RETREG1: variants seen among roughly 807,000 people sequenced by gnomAD.
RETREG1 encodes family with sequence similarity 134 member B.
A neutral mutation model predicts 54.8 loss-of-function variants in RETREG1; 44 were observed. The observed-to-expected ratio is 0.80, with a 90% CI of 0.63 to 1.03. The LOEUF (loss-of-function observed/expected upper bound fraction) is 1.03. Ranked by LOEUF, RETREG1 falls within the 50% of genes least tolerant of loss-of-function variation. RETREG1 has a pLI of 0.00. For synonymous variants in RETREG1, 217 were observed against 238.5 expected (o/e 0.91, Z 0.83); for missense variants, 554 against 605.1 (o/e 0.92, Z 0.89).
Position 16,517,796 on chromosome 5 carries a change from T to A in RETREG1, c.459-34324A>T, listed in dbSNP as rs10064821. Among the ~76,000 whole-genome samples the A allele has an allele frequency of 4.7e-3, 710 of 152,282 alleles. 7 individuals are homozygous for A. Among genetic ancestry groups the A allele is most frequent in the African/African-American group, 0.016 (677 of 41,544 alleles). ...TGTACATATATTACTTGTAAACATA[T>A]TATGGACTTCACAAATCACACACAC... is the stretch of plus-strand genomic sequence containing the variant. On this transcript the variant is annotated intron_variant, in intron 3 of 8. Coordinates refer to ENST00000306320, the MANE Select transcript of RETREG1 (RefSeq NM_001034850.3).
At chr5:16,514,402 G>A (rs62369679) in intron 3 of RETREG1, among the ~76,000 whole-genome samples, 20,397 of 152,184 alleles carry the variant, frequency 0.13, 1,689 homozygotes, top group African/African-American at 0.22. Context: ...ACCTGCGTGA[G>A]GTTGGTACAG....
chr5:16,573,068 A>G (rs1742223527), intron 1 of RETREG1, among the ~76,000 whole-genome samples: 1 of 150,370 alleles, frequency 6.7e-6, no homozygotes, highest in Admixed American at 6.7e-5. Flanking sequence ...CTGCAGTCCC[A>G]GCTACTCCGA....
At chr5:16,608,779 C>G (rs1743264143) in intron 1 of RETREG1, among the ~76,000 whole-genome samples, 1 of 152,174 alleles carries the variant, frequency 6.6e-6, no homozygotes. Context: ...GAACTTGGAC[C>G]AGGCTGGCTG....
At chr5:16,542,798 TCA>T (rs1199600218) in intron 3 of RETREG1, among the ~76,000 whole-genome samples, 17 of 152,366 alleles carry the variant, frequency 1.1e-4, no homozygotes, top group African/African-American at 3.8e-4. Flanking sequence ...TACGGTGCTT[TCA>T]TTCATGTATT....
intron 3 of RETREG1, among the ~76,000 whole-genome samples, chr5:16,530,856 C>T (rs981480562): frequency 6.0e-5 from 9 of 150,692 alleles, no homozygotes; most frequent in Non-Finnish European, 7.4e-5. Context: ...AGCAAGACTC[C>T]GTCTCAAAAA....
At chr5:16,529,631 C>T (rs766208190) in intron 3 of RETREG1, among the ~76,000 whole-genome samples, 25 of 152,086 alleles carry the variant, frequency 1.6e-4, no homozygotes, top group Non-Finnish European at 1.6e-4. Context: ...ACTGTCCCAC[C>T]GAAGACACAC....
rs547187261 is a variant in RETREG1, at chr5:16,504,193, C to G, written c.459-20721G>C. ...TCCTGCATTAGTTCGCCGAGGATAA[C>G]GGCTTCCAGCTCCATCCATGTCCCT... On this transcript the variant is annotated intron_variant, in intron 3 of 8. Coordinates refer to ENST00000306320, the MANE Select transcript of RETREG1 (RefSeq NM_001034850.3). Among the ~76,000 whole-genome samples the G allele has an allele frequency of 2.0e-5, 3 of 152,302 alleles. No individual in the cohort carries two copies. The East Asian group carries it at 5.8e-4, about 29-fold the overall frequency.
rs190323044 is a variant in RETREG1, at chr5:16,501,389, G to A, written c.459-17917C>T. Among the ~76,000 whole-genome samples, 53 of 152,246 alleles carry A rather than the reference G, an allele frequency of 3.5e-4. No homozygotes were observed. In the East Asian group the frequency reaches 6.8e-3, roughly 19 times the overall value. ...AGTCACCCAGCAGAATGGTTAAAAT[G>A]GTTAAAATCGTTCAGTGTTTACACT... On this transcript the variant is annotated intron_variant, in intron 3 of 8. Coordinates refer to ENST00000306320, the MANE Select transcript of RETREG1 (RefSeq NM_001034850.3).
At chr5:16,600,103 C>T (rs752119245) in intron 1 of RETREG1, among the ~76,000 whole-genome samples, 3 of 152,156 alleles carry the variant, frequency 2.0e-5, no homozygotes, top group African/African-American at 4.8e-5. Context: ...CATGTTCAAG[C>T]GATTCTCCTG....
At chr5:16,478,534 A>ATTTTCT (rs1738635420) in intron 6 of RETREG1, among the ~76,000 whole-genome samples, 1 of 152,096 alleles carries the variant, frequency 6.6e-6, no homozygotes, top group Admixed American at 6.6e-5. Context: ...CTTTTCCTGT[A>ATTTTCT]TTTTCTTTTT....
intron 3 of RETREG1, among the ~76,000 whole-genome samples, chr5:16,511,728 G>A (rs1740181043): frequency 6.6e-6 from 1 of 152,174 alleles, no homozygotes; most frequent in Non-Finnish European, 1.5e-5. Flanking sequence ...TCTGCAGGCT[G>A]TACAGGAAGC....
intron 3 of RETREG1, among the ~76,000 whole-genome samples, chr5:16,491,811 C>A (rs576828793): frequency 6.6e-6 from 1 of 152,174 alleles, no homozygotes; most frequent in East Asian, 1.9e-4. Flanking sequence ...TCCCTTGATC[C>A]CCAGAGTTCA....
chr5:16,612,379 T>C (rs1194328455), intron 1 of RETREG1, among the ~76,000 whole-genome samples: 2 of 152,236 alleles, frequency 1.3e-5, no homozygotes, highest in Non-Finnish European at 2.9e-5. Flanking sequence ...GCTCATTCCA[T>C]TTCAGGATGT....
rs1034037873 is a variant in RETREG1 at position 16,473,777 on chromosome 5, G to T, written c.*964C>A. 1 of 152,088 alleles carries T rather than the reference G, an allele frequency of 6.6e-6. No individual in the cohort carries two copies. Among genetic ancestry groups the T allele is most frequent in the African/African-American group, 2.4e-5 (1 of 41,420 alleles). 9.4% of individuals were successfully genotyped at this position (152,088 alleles called of 1,614,324 possible). Reference sequence around the variant, plus strand: ...ATAAATATATTTTAAAGCCAAGCAAGTTCCTCTCCTCTATACAGGCTAAGA... The same window carrying T: ...ATAAATATATTTTAAAGCCAAGCAATTTCCTCTCCTCTATACAGGCTAAGA... On this transcript the variant is annotated 3_prime_UTR_variant, in exon 9 of 9. Transcript: ENST00000306320.
chr5:16,474,702 TTGG>T lies in RETREG1; in HGVS notation c.*36_*38del, dbSNP rs761737782. ...TTTTTTTTTCTTGTTTGAAATTTTT[TTGG>T]TGTTTTTTGTGCTCTGTTGCAAGCT... On this transcript the variant is annotated 3_prime_UTR_variant, in exon 9 of 9. Transcript: ENST00000306320. The T allele has an allele frequency of 2.5e-6, 4 of 1,576,656 alleles. No individual in the cohort carries two copies. The highest frequency in any genetic ancestry group is 2.0e-5 in the Admixed American group (1 of 50,266).
In RETREG1 at chr5:16,572,029, T is replaced by C. The variant is rs200174704; in HGVS notation, c.394A>G (p.Ile132Val). The change falls in exon 2 of 9, where the codon ATA becomes GTA. Residue 132 changes from isoleucine (I) to valine (V), a missense_variant. Around this residue, in one of 4 missense-constraint regions of RETREG1, gnomAD observed 347 missense variants for 412.3 expected, o/e 0.84. Transcript: ENST00000306320. ...CTAGACAAAACCATATCCTTTATTA[T>C]TTGCATAATAACACGCCCAAGTATC... The part of the protein sequence containing the change: ...VMILGRVIMQ[I>V]IKDMVLSRTR... The C allele has an allele frequency of 2.9e-5, 46 of 1,613,820 alleles. No homozygotes were observed. The highest frequency in any genetic ancestry group is 3.6e-5 in the Non-Finnish European group (43 of 1,179,742).
chr5:16,570,608 G>T (rs1008655599), intron 2 of RETREG1, among the ~76,000 whole-genome samples: 2 of 152,080 alleles, frequency 1.3e-5, no homozygotes, highest in African/African-American at 2.4e-5. Flanking sequence ...TCCTGTAGAG[G>T]GTGAACATAT....
chr5:16,474,598 T>A lies in RETREG1; in HGVS notation c.*143A>T. 1 of 954,506 alleles carries A rather than the reference T, an allele frequency of 1.0e-6. No homozygotes were observed. Among genetic ancestry groups the A allele is most frequent in the South Asian group, 1.6e-5 (1 of 60,946 alleles). 59.1% of individuals were successfully genotyped at this position (954,506 alleles called of 1,614,324 possible). On this transcript the variant is annotated 3_prime_UTR_variant, in exon 9 of 9. Transcript: ENST00000306320. ...GTCAGCTGATATATATCCAATTAATTCACTGCAGGAGGGAAAATAAAACAA... is the reference window on the plus strand; with the variant it reads ...GTCAGCTGATATATATCCAATTAATACACTGCAGGAGGGAAAATAAAACAA...
chr5:16,520,383 G>A (rs528943873), intron 3 of RETREG1, among the ~76,000 whole-genome samples: 18 of 152,114 alleles, frequency 1.2e-4, no homozygotes, highest in Non-Finnish European at 2.2e-4. Flanking sequence ...AGGCTGGAGT[G>A]CATTGGCATG....
Sources: gnomAD v4.1 joint callset for allele counts (sites outside exome capture counted in the v4.1 genomes callset) on GRCh38, gnomAD v4.1.1 for gene constraint, gnomAD v4.1.1 regional missense constraint, MANE v1.5 for transcripts, NCBI Gene and HGNC (gene_info 2026-07-23, HGNC 2026-07-21) for gene names.